Variants in STK10 observed in about 807,000 individuals in gnomAD.
STK10 encodes the protein serine/threonine-protein kinase 10.
STK10 carries 78 observed loss-of-function variants against 113.8 expected under a neutral mutation model. The observed-to-expected ratio is 0.69, with a 90% CI of 0.57 to 0.83. The LOEUF is 0.83. Among genes scored for constraint, STK10 ranks in the 40% least tolerant of loss-of-function variants. The pLI is 0.00. For missense variants in STK10, 1,109 were observed against 1,280.1 expected, an observed-to-expected ratio of 0.87 and a Z score of 2.04; for synonymous variants, 465 against 494.7, an observed-to-expected ratio of 0.94 and a Z score of 0.80.
chr5:172,152,154 C>A (rs1007059341), intron 2 of STK10, among the ~76,000 whole-genome samples: 1 of 152,256 alleles, frequency 6.6e-6, no homozygotes, highest in Non-Finnish European at 1.5e-5. Flanking sequence ...CAAGTCCTCT[C>A]ATCTACTTCT....
At chr5:172,178,249 C>G (rs1489381261) in intron 1 of STK10, among the ~76,000 whole-genome samples, 1 of 152,180 alleles carries the variant, frequency 6.6e-6, no homozygotes, top group African/African-American at 2.4e-5. Flanking sequence ...GGGGCCACAC[C>G]GTGTGGCCCC....
At chr5:172,060,539 G>C (rs1266385478) in intron 14 of STK10, among the ~76,000 whole-genome samples, 3 of 152,218 alleles carry the variant, frequency 2.0e-5, no homozygotes, top group Admixed American at 2.0e-4. Context: ...ATGAAGCAGA[G>C]AGTAAGTCCT....
chr5:172,158,250 G>C (rs1207223698), intron 1 of STK10, among the ~76,000 whole-genome samples: 1 of 151,716 alleles, frequency 6.6e-6, no homozygotes, highest in Non-Finnish European at 1.5e-5. Context: ...ACCTATCCTA[G>C]GACCTAGCAA....
chr5:172,142,077 T>A (rs1465901433), intron 2 of STK10, among the ~76,000 whole-genome samples: 2 of 152,120 alleles, frequency 1.3e-5, no homozygotes, highest in Non-Finnish European at 2.9e-5. Context: ...AGGAGGCCAA[T>A]CTATGGGTCT....
intron 1 of STK10, among the ~76,000 whole-genome samples, chr5:172,169,630 T>TATGTCC (rs574820283): frequency 2.0e-4 from 30 of 152,068 alleles, no homozygotes; most frequent in Non-Finnish European, 4.0e-4. Flanking sequence ...GAATGACATG[T>TATGTCC]ATGTCCAGGG....
At chr5:172,119,491 G>T (rs527263503) in intron 3 of STK10, among the ~76,000 whole-genome samples, 1 of 152,094 alleles carries the variant, frequency 6.6e-6, no homozygotes, top group Non-Finnish European at 1.5e-5. Flanking sequence ...AAAGGTTGGA[G>T]AATCACTTGA....
chr5:172,153,288 A>AAAAGAAAGAAAGAAAGAAAGAAAG lies in STK10; in HGVS notation c.321+3312_321+3335dup, dbSNP rs35446422. On this transcript the variant is annotated intron_variant, in intron 2 of 18. Coordinates refer to ENST00000176763, the MANE Select transcript of STK10 (RefSeq NM_005990.4). ...GCAACAGGAGCAAAACTCCATCTCAAAAAGAAAGAAAGAAAGAAAGAAAGA... is the reference window on the plus strand; with the variant it reads ...GCAACAGGAGCAAAACTCCATCTCAAAAAGAAAGAAAGAAAGAAAGAAAGAAAGAAAGAAAGAAAGAAAGAAAGA... Among the ~76,000 whole-genome samples, 337 of 142,034 alleles carry AAAAGAAAGAAAGAAAGAAAGAAAG rather than the reference A, an allele frequency of 2.4e-3. 6 individuals carry two copies. Among genetic ancestry groups the AAAAGAAAGAAAGAAAGAAAGAAAG allele is most frequent in the African/African-American group, 5.0e-3 (174 of 34,914 alleles). The allele number at this position is 142,034 out of a possible 152,430, so 93.2% of individuals were successfully genotyped here.
At chr5:172,181,995 AAAC>A (rs1279276525) in intron 1 of STK10, among the ~76,000 whole-genome samples, 1 of 152,076 alleles carries the variant, frequency 6.6e-6, no homozygotes, top group African/African-American at 2.4e-5. Flanking sequence ...CAATTTTGCA[AAAC>A]AATAAATCTT....
intron 1 of STK10, among the ~76,000 whole-genome samples, chr5:172,161,399 G>A (rs542692736): frequency 4.6e-5 from 7 of 150,610 alleles, no homozygotes; most frequent in Non-Finnish European, 1.0e-4. Flanking sequence ...ATTGCAGTGA[G>A]CCGAGATCAC....
At chr5:172,183,002 T>C (rs935516059) in intron 1 of STK10, among the ~76,000 whole-genome samples, 7 of 151,740 alleles carry the variant, frequency 4.6e-5, no homozygotes, top group African/African-American at 1.7e-4. Context: ...AGCCTAGGAG[T>C]TCAAGACCAA....
chr5:172,112,504 T>A (rs1313924885), intron 4 of STK10, among the ~76,000 whole-genome samples: 1 of 141,112 alleles, frequency 7.1e-6, no homozygotes, highest in East Asian at 2.2e-4. Context: ...CACTGCAAGC[T>A]CCACCTCCTG....
chr5:172,163,417 A>G (rs1032555406), intron 1 of STK10, among the ~76,000 whole-genome samples: 1 of 152,196 alleles, frequency 6.6e-6, no homozygotes, highest in African/African-American at 2.4e-5. Context: ...CCTTTGCTAA[A>G]GATGAATGAC....
intron 9 of STK10, among the ~76,000 whole-genome samples, chr5:172,091,281 C>G (rs1163291659): frequency 3.3e-5 from 5 of 152,170 alleles, no homozygotes; most frequent in African/African-American, 1.2e-4. Context: ...GTTTGGTAGC[C>G]AAAGCTGACC....
chr5:172,117,273 C>T (rs1463758770), intron 4 of STK10, among the ~76,000 whole-genome samples: 1 of 151,630 alleles, frequency 6.6e-6, no homozygotes, highest in Non-Finnish European at 1.5e-5. Flanking sequence ...AGCAAGACTG[C>T]CTCAAAAAAA....
At chr5:172,101,643 T>G (rs138778283) in intron 7 of STK10, among the ~76,000 whole-genome samples, 2 of 152,180 alleles carry the variant, frequency 1.3e-5, no homozygotes, top group East Asian at 3.9e-4. Context: ...GCAAGTTATA[T>G]CCTGAGTGCC....
rs1317005852 is a variant in STK10 at position 172,087,791 on chromosome 5, G to T, written c.1685+2441C>A. ...CTACAGGCGCCCGCCACCGCGCCCG[G>T]CTAATTTTTTGTATTTTTAGTAGAG... On this transcript the variant is annotated intron_variant, in intron 10 of 18. Coordinates refer to ENST00000176763, the MANE Select transcript of STK10 (RefSeq NM_005990.4). 3.9e-5 allele frequency among the ~76,000 whole-genome samples: 5 copies of T among 126,602 alleles called. 2 individuals carry two copies. Among genetic ancestry groups the T allele is most frequent in the African/African-American group, 6.8e-5 (2 of 29,226 alleles). 83.1% of individuals were successfully genotyped at this position (126,602 alleles called of 152,430 possible).
chr5:172,093,821 G>A lies in STK10; in HGVS notation c.1145C>T (p.Pro382Leu). ...QDSVNEPCSQ[P>L]SGDRSLQTTS... is the part of the protein sequence containing the mutation. ...GGTTTGGAGGGATCTGTCCCCAGAG[G>A]GCTGGCTGCAGGGCTCATTCACACT... The change falls in exon 9 of 19, where the codon CCC (proline) becomes CTC (leucine). Residue 382 changes from proline (P) to leucine (L), a missense_variant. By Grantham distance (98) the Pro-to-Leu change is moderately conservative. This residue lies in a region of STK10 where 885 missense variants were observed against 991.1 expected (regional missense o/e 0.89). Transcript: ENST00000176763. The surrounding 1 kb of genome is among the most constrained non-coding windows in gnomAD (Gnocchi z 4.1). 1 of 1,605,124 alleles carries A rather than the reference G, an allele frequency of 6.2e-7. No homozygotes were observed.
rs1306496040 is a variant in STK10, at chr5:172,083,487, T to C, written c.1686-403A>G. On this transcript the variant is annotated intron_variant, in intron 10 of 18. Transcript: ENST00000176763. ...AACTACATTTTCATGATGTAGAAAA[T>C]TTGATGGTAGAAACTGGTACATTTC... 2.6e-5 allele frequency among the ~76,000 whole-genome samples: 4 copies of C among 152,094 alleles called. No individual in the cohort carries two copies. The East Asian group carries it at 7.7e-4, about 29-fold the overall frequency.
chr5:172,082,356 G>C lies in STK10; in HGVS notation c.1959C>G (p.Phe653Leu). 1 of 1,582,012 alleles carries C rather than the reference G, an allele frequency of 6.3e-7. No individual in the cohort carries two copies. The highest frequency in any genetic ancestry group is 8.6e-7 in the Non-Finnish European group (1 of 1,166,858). ...TCTTCATCAGTTTGAGCTGCTCTTG[G>C]AACCTGGTGTAGTCCCGATCCTGCT... is the stretch of plus-strand genomic sequence containing the variant. ...RLEQDRDYTR[F>L]QEQLKLMKKE... Residue 653 changes from phenylalanine to leucine, a missense_variant, in exon 12 of 19, where the codon TTC becomes TTG. Transcript: ENST00000176763. The surrounding 1 kb of genome is among the most constrained non-coding windows in gnomAD (Gnocchi z 4.3).
Sources: allele counts gnomAD v4.1 joint callset (sites outside exome capture counted in the v4.1 genomes callset), GRCh38; gene constraint gnomAD v4.1.1; regional missense constraint gnomAD v4.1.1; non-coding constraint Gnocchi (gnomAD v3.1); transcripts MANE v1.5; gene names NCBI Gene and HGNC (gene_info 2026-07-23, HGNC 2026-07-21).